PLXDC2: variants seen among roughly 807,000 people sequenced by gnomAD.
PLXDC2 encodes the protein plexin domain-containing protein 2.
In PLXDC2, 40 loss-of-function variants were observed where a neutral mutation model predicts 68.9. That is an observed-to-expected ratio of 0.58 (90% CI 0.45 to 0.76). The LOEUF (loss-of-function observed/expected upper bound fraction) is 0.76, where lower values mean the gene tolerates loss of function less well. Ranked by LOEUF, PLXDC2 falls within the 30% of genes least tolerant of loss-of-function variation. The pLI, the probability that PLXDC2 is intolerant of heterozygous loss-of-function variation, is 0.00. For missense variants in PLXDC2, 644 were observed against 661.9 expected (o/e 0.97, Z 0.30); for synonymous variants, 243 against 234.2 (o/e 1.04, Z -0.34).
At chr10:20,034,419 G>C (rs1835546616) in intron 2 of PLXDC2, among the ~76,000 whole-genome samples, 1 of 152,030 alleles carries the variant, frequency 6.6e-6, no homozygotes, top group Non-Finnish European at 1.5e-5. Context: ...TAATTTATTT[G>C]ATTGCTACTC....
chr10:19,959,943 C>T (rs1834129202), intron 1 of PLXDC2, among the ~76,000 whole-genome samples: 1 of 152,054 alleles, frequency 6.6e-6, no homozygotes, highest in East Asian at 1.9e-4. Context: ...CTGTGCTGTA[C>T]TATGTGGCAC....
chr10:20,050,797 T>C (rs572891033), intron 3 of PLXDC2, among the ~76,000 whole-genome samples: 1 of 152,114 alleles, frequency 6.6e-6, no homozygotes, highest in South Asian at 2.1e-4. Context: ...TGGTGTAAAT[T>C]AGTTCAACCA....
intron 1 of PLXDC2, among the ~76,000 whole-genome samples, chr10:19,860,005 C>T (rs963823148): frequency 4.6e-5 from 7 of 152,162 alleles, no homozygotes; most frequent in Non-Finnish European, 1.0e-4. Flanking sequence ...GCTGGGATTA[C>T]AGACGTGAGC....
In PLXDC2 at chr10:20,283,972, A is replaced by G. The variant is rs1461668695; in HGVS notation, c.*4153A>G. 4 of 152,098 alleles carry G rather than the reference A, an allele frequency of 2.6e-5. No homozygotes were observed. The highest frequency in any genetic ancestry group is 5.9e-5 in the Non-Finnish European group (4 of 68,010). The allele number at this position is 152,098 out of a possible 1,614,324, so 9.4% of individuals were successfully genotyped here. On this transcript the variant is annotated 3_prime_UTR_variant, in exon 14 of 14. Coordinates refer to ENST00000377252, the MANE Select transcript of PLXDC2 (RefSeq NM_032812.9). Reference sequence around the variant, plus strand: ...TATCAGTTTTTCGCAACAGATTCTTATGTTACATCTTCATGAGGGAGTATA... The same window carrying G: ...TATCAGTTTTTCGCAACAGATTCTTGTGTTACATCTTCATGAGGGAGTATA...
intron 1 of PLXDC2, among the ~76,000 whole-genome samples, chr10:19,862,529 G>T (rs528610347): frequency 2.6e-5 from 4 of 152,316 alleles, no homozygotes; most frequent in African/African-American, 9.6e-5. Context: ...AGAACAAAGA[G>T]GGTGAAGGTT....
intron 13 of PLXDC2, among the ~76,000 whole-genome samples, chr10:20,270,029 A>C (rs2460568): frequency 2.3e-3 from 77 of 32,836 alleles, no homozygotes; most frequent in African/African-American, 4.8e-3. Context: ...AAATAAAATA[A>C]AATAAAATAA....
intron 3 of PLXDC2, among the ~76,000 whole-genome samples, chr10:20,049,559 C>T (rs1458692464): frequency 6.6e-6 from 1 of 151,872 alleles, no homozygotes; most frequent in East Asian, 1.9e-4. Flanking sequence ...TTCCAATACA[C>T]CACCAACAGC....
At chr10:20,030,758 C>G (rs1835489737) in intron 2 of PLXDC2, among the ~76,000 whole-genome samples, 1 of 152,122 alleles carries the variant, frequency 6.6e-6, no homozygotes, top group Non-Finnish European at 1.5e-5. Context: ...CAGGTGAGCT[C>G]TGAAAGTCCC....
chr10:19,869,498 G>GGGA, intron 1 of PLXDC2, among the ~76,000 whole-genome samples: 1 of 100,502 alleles, frequency 1.0e-5, no homozygotes, highest in Non-Finnish European at 2.0e-5. Context: ...GGGAGGGAGG[G>GGGA]AGGGAGACCA....
chr10:20,003,198 A>C (rs1434795891), intron 2 of PLXDC2, among the ~76,000 whole-genome samples: 1 of 152,236 alleles, frequency 6.6e-6, no homozygotes, highest in Non-Finnish European at 1.5e-5. Context: ...CAACAGAAAC[A>C]AGCAAGTAAA....
intron 13 of PLXDC2, among the ~76,000 whole-genome samples, chr10:20,277,837 C>G (rs941216191): frequency 2.0e-5 from 3 of 152,256 alleles, no homozygotes; most frequent in African/African-American, 2.4e-5. Context: ...TCCTCCCAAC[C>G]CTGTCACTAC....
chr10:20,150,570 A>C (rs141873748), intron 6 of PLXDC2, among the ~76,000 whole-genome samples: 63 of 152,264 alleles, frequency 4.1e-4, no homozygotes, highest in African/African-American at 1.4e-3. Flanking sequence ...TTTTCATTGC[A>C]ATCTAGTATA....
At chr10:20,276,649 C>T (rs1836010522) in intron 13 of PLXDC2, among the ~76,000 whole-genome samples, 1 of 152,098 alleles carries the variant, frequency 6.6e-6, no homozygotes, top group Admixed American at 6.5e-5. Context: ...ATATATCCTG[C>T]CCTGTTAGCG....
At chr10:19,927,445 T>C (rs865801840) in intron 1 of PLXDC2, among the ~76,000 whole-genome samples, 1 of 152,074 alleles carries the variant, frequency 6.6e-6, no homozygotes, top group African/African-American at 2.4e-5. Flanking sequence ...CTCATGCCTG[T>C]AATCCCAGCA....
At chr10:20,213,677 A>T (rs1835099426) in intron 10 of PLXDC2, among the ~76,000 whole-genome samples, 1 of 152,110 alleles carries the variant, frequency 6.6e-6, no homozygotes, top group South Asian at 2.1e-4. Flanking sequence ...CTTCTAGACT[A>T]ATTGAGTCAT....
Position 20,058,005 on chromosome 10 carries a change from T to A in PLXDC2, c.472-10165T>A, listed in dbSNP as rs112818458. ...GGGATGATTTCCAATAATTTTTTTT[T>A]AAAAAAAGAGAAGTTAGCAAAGGAG... On this transcript the variant is annotated intron_variant, in intron 3 of 13. Coordinates refer to ENST00000377252, the MANE Select transcript of PLXDC2 (RefSeq NM_032812.9). 2.8e-3 allele frequency among the ~76,000 whole-genome samples: 430 copies of A among 151,920 alleles called. 3 individuals are homozygous for A. Among genetic ancestry groups the A allele is most frequent in the African/African-American group, 9.9e-3 (409 of 41,486 alleles).
intron 13 of PLXDC2, among the ~76,000 whole-genome samples, chr10:20,275,069 G>GA (rs368103710): frequency 6.6e-6 from 1 of 152,172 alleles, no homozygotes; most frequent in East Asian, 1.9e-4. Flanking sequence ...GAAATAGAGA[G>GA]AAAAAAATTC....
intron 2 of PLXDC2, among the ~76,000 whole-genome samples, chr10:20,032,525 G>A (rs551907901): frequency 1.3e-5 from 2 of 152,104 alleles, no homozygotes; most frequent in African/African-American, 2.4e-5. Flanking sequence ...GAACTTATAC[G>A]AGAAACGGGG....
chr10:20,021,269 A>G (rs1835303650), intron 2 of PLXDC2, among the ~76,000 whole-genome samples: 2 of 151,218 alleles, frequency 1.3e-5, no homozygotes, highest in Admixed American at 1.3e-4. Context: ...TTTATTTTTA[A>G]ATTTTATTTT....
Sources: gnomAD v4.1 joint callset for allele counts (sites outside exome capture counted in the v4.1 genomes callset) on GRCh38, gnomAD v4.1.1 for gene constraint, MANE v1.5 for transcripts, NCBI Gene and HGNC (gene_info 2026-07-23, HGNC 2026-07-21) for gene names.